PCDHGB4: variants seen among roughly 807,000 people sequenced by gnomAD.
PCDHGB4 encodes the protein protocadherin gamma subfamily B, 4.
Under a neutral mutation model 60.5 loss-of-function variants are expected in PCDHGB4, and 38 were observed. That is an observed-to-expected ratio of 0.63 (90% CI 0.48 to 0.82). PCDHGB4 has a LOEUF of 0.82. Among genes scored for constraint, PCDHGB4 ranks in the 40% least tolerant of loss-of-function variants. The pLI is 0.00. For missense variants in PCDHGB4, 1,109 were observed against 1,209.6 expected (o/e 0.92, Z 1.23); for synonymous variants, 456 against 509.7 (o/e 0.89, Z 1.42).
chr5:141,417,893 G>T (rs766340497), intron 1 of PCDHGB4: 2 of 1,572,670 alleles, frequency 1.3e-6, no homozygotes, highest in Admixed American at 1.9e-5. Flanking sequence ...GCGCCGGGCC[G>T]GCCCGCGGCA....
In PCDHGB4 at chr5:141,431,028, T is replaced by C. The variant is rs367575636; in HGVS notation, c.2397+40747T>C. On this transcript the variant is annotated intron_variant, in intron 1 of 3. Transcript: ENST00000519479. This position sits in a 1 kb window ranked among gnomAD's most constrained non-coding sequence, Gnocchi z 4.8. ...GGCAGCTTGGTCACGGCGGGCAGGA[T>C]AGACCGGGAGGAGCTCTGTATGGGG... The C allele has an allele frequency of 6.2e-7, 1 of 1,613,986 alleles. No homozygotes were observed. Among genetic ancestry groups the C allele is most frequent in the Admixed American group, 1.7e-5 (1 of 60,022 alleles).
rs537334679 is a variant in PCDHGB4 at position 141,413,479 on chromosome 5, C to G, written c.2397+23198C>G. ...GATAGACCGGGAGGAGCTCTGCGCTCAGAGCGCGCGGTGCGTGGTGAGTTT... is the reference window on the plus strand; with the variant it reads ...GATAGACCGGGAGGAGCTCTGCGCTGAGAGCGCGCGGTGCGTGGTGAGTTT... On this transcript the variant is annotated intron_variant, in intron 1 of 3. Coordinates refer to ENST00000519479, the MANE Select transcript of PCDHGB4 (RefSeq NM_003736.4). 4.3e-6 allele frequency: 7 copies of G among 1,614,084 alleles called. No individual in the cohort carries two copies. In the African/African-American group the frequency reaches 6.7e-5, roughly 15 times the overall value.
chr5:141,394,536 G>C (rs2093028301), intron 1 of PCDHGB4: 2 of 1,614,070 alleles, frequency 1.2e-6, no homozygotes. Flanking sequence ...TTCCACTGGC[G>C]TGGAGCTGGC....
Position 141,432,548 on chromosome 5 carries a change from G to T in PCDHGB4, c.2397+42267G>T, listed in dbSNP as rs1251651638. On this transcript the variant is annotated intron_variant, in intron 1 of 3. Coordinates refer to ENST00000519479, the MANE Select transcript of PCDHGB4 (RefSeq NM_003736.4). The surrounding 1 kb of genome is among the most constrained non-coding windows in gnomAD (Gnocchi z 6.0). ...GACCAAGGTGGTGGCGGTGGACAGA[G>T]ACTCCGGCCAGAACGCCTGGCTGTC... 1.9e-6 allele frequency: 3 copies of T among 1,613,998 alleles called. No homozygotes were observed. The South Asian group carries it at 3.3e-5, about 18-fold the overall frequency.
intron 1 of PCDHGB4, chr5:141,394,949 G>A (rs761514870): frequency 1.9e-6 from 3 of 1,613,906 alleles, no homozygotes; most frequent in Non-Finnish European, 1.7e-6. Flanking sequence ...CTGTGCTTCT[G>A]GGGCTCAGGC....
At chr5:141,482,338 T>C (rs2099556539) in intron 1 of PCDHGB4, among the ~76,000 whole-genome samples, 1 of 152,156 alleles carries the variant, frequency 6.6e-6, no homozygotes, top group African/African-American at 2.4e-5. Context: ...ATATCTACTT[T>C]GCAAACTTGT....
In PCDHGB4 at chr5:141,476,875, C is replaced by T; in HGVS notation, c.2398-17932C>T. On this transcript the variant is annotated intron_variant, in intron 1 of 3. Coordinates refer to ENST00000519479, the MANE Select transcript of PCDHGB4 (RefSeq NM_003736.4). The surrounding 1 kb of genome is among the most constrained non-coding windows in gnomAD (Gnocchi z 7.6). ...ACCAGTCCTTGTACCGGGCGCGCGT[C>T]CTGGAGGATGCACCCTCCGGCACGC... 2 of 1,613,928 alleles carry T rather than the reference C, an allele frequency of 1.2e-6. No homozygotes were observed. Among genetic ancestry groups the T allele is most frequent in the Non-Finnish European group, 1.7e-6 (2 of 1,180,044 alleles).
intron 1 of PCDHGB4, chr5:141,396,354 C>T (rs1285916157): frequency 6.6e-6 from 1 of 152,456 alleles, no homozygotes; most frequent in East Asian, 1.9e-4. Context: ...TGCGGTGGCT[C>T]ACGCCTGTAA....
rs1388608588 is a variant in PCDHGB4 at position 141,481,102 on chromosome 5, A to T, written c.2398-13705A>T. The stretch of plus-strand genomic sequence containing the variant: ...GAAAAAAGAAAAGCAGTACTCTGGA[A>T]CCTACCAATCCATCATTTAGCATAT... On this transcript the variant is annotated intron_variant, in intron 1 of 3. Transcript: ENST00000519479. 3.3e-5 allele frequency among the ~76,000 whole-genome samples: 5 copies of T among 152,288 alleles called. No individual in the cohort carries two copies. The East Asian group carries it at 7.7e-4, about 24-fold the overall frequency.
chr5:141,490,402 G>A lies in PCDHGB4; in HGVS notation c.2398-4405G>A. On this transcript the variant is annotated intron_variant, in intron 1 of 3. Coordinates refer to ENST00000519479, the MANE Select transcript of PCDHGB4 (RefSeq NM_003736.4). This position sits in a 1 kb window ranked among gnomAD's most constrained non-coding sequence, Gnocchi z 5.4. The stretch of plus-strand genomic sequence containing the variant: ...AGGTAGAAATGGTGAAGTGAGCCTT[G>A]ATATCTCTCCGGACCTGCCATTTCA... 6.2e-7 allele frequency: 1 copy of A among 1,614,182 alleles called. No homozygotes were observed. The highest frequency in any genetic ancestry group is 8.5e-7 in the Non-Finnish European group (1 of 1,180,024).
At chr5:141,397,824 A>G (rs2093574037) in intron 1 of PCDHGB4, among the ~76,000 whole-genome samples, 3 of 152,240 alleles carry the variant, frequency 2.0e-5, no homozygotes, top group Admixed American at 2.0e-4. Flanking sequence ...CAATTACTGC[A>G]CTGGTTAACT....
intron 1 of PCDHGB4, among the ~76,000 whole-genome samples, chr5:141,451,908 G>A (rs899191624): frequency 3.9e-5 from 6 of 152,046 alleles, no homozygotes; most frequent in African/African-American, 7.2e-5. Context: ...AAGGGAGGGA[G>A]GGAGGAAGGA....
intron 1 of PCDHGB4, chr5:141,400,372 A>G: frequency 6.2e-7 from 1 of 1,613,980 alleles, no homozygotes; most frequent in Non-Finnish European, 8.5e-7. Flanking sequence ...TTATTCCTAC[A>G]ACCTATGTGT....
In PCDHGB4 at chr5:141,405,262, C is replaced by A. The variant is rs1352663124; in HGVS notation, c.2397+14981C>A. ...ACTCAAGGAAGAGTCACCTGATCTT[C>A]CCCCAGCCCAACTATGCAGACACAC... On this transcript the variant is annotated intron_variant, in intron 1 of 3. Coordinates refer to ENST00000519479, the MANE Select transcript of PCDHGB4 (RefSeq NM_003736.4). The A allele has an allele frequency of 2.5e-6, 4 of 1,614,012 alleles. No individual in the cohort carries two copies. In the African/African-American group the frequency reaches 5.3e-5, roughly 22 times the overall value.
At chr5:141,393,842 T>C (rs1010461527) in intron 1 of PCDHGB4, 5 of 1,613,948 alleles carry the variant, frequency 3.1e-6, no homozygotes, top group Non-Finnish European at 4.2e-6. Context: ...TAAATGACAA[T>C]AGACCAGAAG....
rs999463482 is a variant in PCDHGB4, at chr5:141,506,400, T to C, written c.2545+919T>C. ...GGAGGTGGCTGTGGTGAGCAGAAAATCGCACCACTGCACTCCAGCCTGGGC... is the reference window on the plus strand; with the variant it reads ...GGAGGTGGCTGTGGTGAGCAGAAAACCGCACCACTGCACTCCAGCCTGGGC... On this transcript the variant is annotated intron_variant, in intron 3 of 3. Coordinates refer to ENST00000519479, the MANE Select transcript of PCDHGB4 (RefSeq NM_003736.4). 1.2e-4 allele frequency among the ~76,000 whole-genome samples: 16 copies of C among 135,754 alleles called. No homozygotes were observed. In the Admixed American group the frequency reaches 1.3e-3, roughly 11 times the overall value. The allele number at this position is 135,754 out of a possible 152,430, so 89.1% of individuals were successfully genotyped here.
chr5:141,392,546 T>A (rs1207052717), intron 1 of PCDHGB4: 1 of 336,090 alleles, frequency 3.0e-6, no homozygotes, highest in Non-Finnish European at 5.4e-6. Flanking sequence ...AGAAGTAATC[T>A]GTATCTCAGT....
chr5:141,454,893 C>T (rs1414320972), intron 1 of PCDHGB4, among the ~76,000 whole-genome samples: 7 of 146,892 alleles, frequency 4.8e-5, no homozygotes, highest in Admixed American at 1.4e-4. Flanking sequence ...CTGCTAGCAC[C>T]GCCTCCCGGG....
chr5:141,436,973 T>C (rs1209787552), intron 1 of PCDHGB4, among the ~76,000 whole-genome samples: 1 of 152,234 alleles, frequency 6.6e-6, no homozygotes, highest in Non-Finnish European at 1.5e-5. Context: ...TTGTGAAACT[T>C]ATTTTAAAGA....
Sources: allele counts gnomAD v4.1 joint callset (sites outside exome capture counted in the v4.1 genomes callset), GRCh38; gene constraint gnomAD v4.1.1; non-coding constraint Gnocchi (gnomAD v3.1); transcripts MANE v1.5; gene names NCBI Gene and HGNC (gene_info 2026-07-23, HGNC 2026-07-21).